PLCH1: variants seen among roughly 807,000 people sequenced by gnomAD.
PLCH1 encodes 1-phosphatidylinositol 4,5-bisphosphate phosphodiesterase eta-1.
PLCH1 carries 60 observed loss-of-function variants against 126.7 expected under a neutral mutation model. The ratio of observed to expected loss-of-function variants is 0.47; its 90% CI spans 0.38 to 0.59. PLCH1 has a LOEUF of 0.59. PLCH1 is among the 20% of genes least tolerant of loss of function. The pLI, the probability that PLCH1 is intolerant of heterozygous loss-of-function variation, is 0.00. For missense variants in PLCH1, 1,723 were observed against 2,040.0 expected (o/e 0.84, Z 2.99); for synonymous variants, 719 against 734.9 (o/e 0.98, Z 0.35).
intron 10 of PLCH1, among the ~76,000 whole-genome samples, chr3:155,531,663 T>C (rs187072437): frequency 1.3e-5 from 2 of 152,314 alleles, no homozygotes; most frequent in African/African-American, 4.8e-5. Flanking sequence ...TGTAGCCACC[T>C]TCATCAATTA....
At chr3:155,679,335 G>C (rs921782798) in intron 2 of PLCH1, among the ~76,000 whole-genome samples, 2 of 152,150 alleles carry the variant, frequency 1.3e-5, no homozygotes, top group Admixed American at 6.6e-5. Flanking sequence ...GAGGGCTGGT[G>C]CTCTCTAAAC....
intron 21 of PLCH1, among the ~76,000 whole-genome samples, chr3:155,469,356 C>T (rs1383527787): frequency 5.3e-5 from 8 of 152,210 alleles, no homozygotes; most frequent in South Asian, 4.1e-4. Context: ...CCGAATACTG[C>T]GCTTTTCGGA....
intron 1 of PLCH1, among the ~76,000 whole-genome samples, chr3:155,727,342 A>C (rs182979926): frequency 5.1e-4 from 77 of 152,162 alleles, no homozygotes; most frequent in Admixed American, 2.9e-3. Context: ...AAAAAGGAAA[A>C]AAAAATGGGT....
chr3:155,656,783 A>T (rs1226525408), intron 2 of PLCH1, among the ~76,000 whole-genome samples: 2 of 152,218 alleles, frequency 1.3e-5, no homozygotes, highest in African/African-American at 4.8e-5. Flanking sequence ...GTATTAGAAG[A>T]GGCATTAGAC....
chr3:155,514,119 C>T (rs961981135), intron 12 of PLCH1, among the ~76,000 whole-genome samples: 3 of 152,196 alleles, frequency 2.0e-5, no homozygotes, highest in African/African-American at 7.2e-5. Context: ...ATTAAATCCA[C>T]CCCATAGGCC....
At chr3:155,656,904 T>C (rs1487164805) in intron 2 of PLCH1, among the ~76,000 whole-genome samples, 1 of 151,766 alleles carries the variant, frequency 6.6e-6, no homozygotes, top group Non-Finnish European at 1.5e-5. Flanking sequence ...CCCAAGATAA[T>C]CAAAGATAAA....
chr3:155,541,178 T>G (rs1724179628), intron 10 of PLCH1, among the ~76,000 whole-genome samples: 1 of 152,104 alleles, frequency 6.6e-6, no homozygotes, highest in African/African-American at 2.4e-5. Flanking sequence ...AAGTGGGAGC[T>G]AAGCTATGAG....
chr3:155,583,440 A>G, intron 6 of PLCH1, 32 bp downstream of exon 6: 1 of 1,522,334 alleles, frequency 6.6e-7, no homozygotes, highest in South Asian at 1.2e-5. Context: ...AGTACTTTTA[A>G]GTAAACTTTC....
chr3:155,540,940 T>C (rs762889462), intron 10 of PLCH1, among the ~76,000 whole-genome samples: 12 of 152,186 alleles, frequency 7.9e-5, no homozygotes, highest in Non-Finnish European at 1.5e-4. Context: ...CTTGTACACA[T>C]ATTTTTAGCA....
At chr3:155,458,356 A>AGAAAGAAAG (rs1712520753) in intron 21 of PLCH1, among the ~76,000 whole-genome samples, 1 of 137,948 alleles carries the variant, frequency 7.2e-6, no homozygotes, top group Non-Finnish European at 1.5e-5. Flanking sequence ...AAAAAAAAAA[A>AGAAAGAAAG]AAGAAAGAAA....
At chr3:155,718,620 A>G (rs1157571678) in intron 1 of PLCH1, among the ~76,000 whole-genome samples, 2 of 152,302 alleles carry the variant, frequency 1.3e-5, no homozygotes, top group East Asian at 1.9e-4. Context: ...GGTGTCTCAC[A>G]TGGCAGAAAC....
chr3:155,487,978 T>C, intron 21 of PLCH1, 50 bp downstream of exon 21: 1 of 1,112,050 alleles, frequency 9.0e-7, no homozygotes, highest in South Asian at 1.3e-5. Context: ...AGTAGCATTG[T>C]TAAGGACCAT....
intron 8 of PLCH1, among the ~76,000 whole-genome samples, chr3:155,560,442 A>T (rs2108494047): frequency 6.6e-6 from 1 of 152,282 alleles, no homozygotes; most frequent in East Asian, 1.9e-4. Context: ...TGTTTAAGCT[A>T]CTCAATTGTT....
intron 21 of PLCH1, among the ~76,000 whole-genome samples, chr3:155,451,850 T>G (rs1712315431): frequency 1.3e-5 from 2 of 152,178 alleles, no homozygotes; most frequent in Non-Finnish European, 2.9e-5. Flanking sequence ...AGACCTTCAC[T>G]GTCAGACTGG....
At chr3:155,621,591 C>T (rs1043732954) in intron 2 of PLCH1, among the ~76,000 whole-genome samples, 2 of 152,128 alleles carry the variant, frequency 1.3e-5, no homozygotes, top group African/African-American at 4.8e-5. Context: ...CTGAAAAACA[C>T]AGCACAAGAA....
chr3:155,482,704 A>C lies in PLCH1; in HGVS notation c.3322T>G (p.Phe1108Val), dbSNP rs774940897. The C allele has an allele frequency of 6.2e-7, 1 of 1,614,184 alleles. No individual in the cohort carries two copies. The highest frequency in any genetic ancestry group is 1.7e-5 in the Admixed American group (1 of 60,012). The change falls in exon 23 of 23, where the codon TTT (phenylalanine) becomes GTT (valine). Residue 1108 changes from phenylalanine (F) to valine (V), a missense_variant. By Grantham distance (50) the Phe-to-Val change is conservative. This residue lies in a region of PLCH1 where 947 missense variants were observed against 977.1 expected (regional missense o/e 0.97). Coordinates refer to ENST00000460012, the MANE Select transcript of PLCH1 (RefSeq NM_014996.4). ...KIKEKGNPED[F>V]VEGKSILSGS... ...GACAAGATGCTTTTCCCTTCCACAA[A>C]GTCCTCAGGATTACCCTTTTCCTTG...
chr3:155,467,336 G>A lies in PLCH1; in HGVS notation c.2938+18020C>T, dbSNP rs375330236. Among the ~76,000 whole-genome samples, 8 of 151,940 alleles carry A rather than the reference G, an allele frequency of 5.3e-5. No individual in the cohort carries two copies. In the South Asian group the frequency reaches 6.2e-4, roughly 12 times the overall value. On this transcript the variant is annotated intron_variant, in intron 21 of 21. Coordinates refer to the PLCH1 transcript ENST00000494598. ...CGCCTGTAATCCCAGCACTTTGGAC[G>A]GCTAAGGTGGGTGGGTCACCTGGGC... is the stretch of plus-strand genomic sequence containing the variant.
At chr3:155,649,090 G>T (rs1430592829) in intron 2 of PLCH1, among the ~76,000 whole-genome samples, 4 of 152,160 alleles carry the variant, frequency 2.6e-5, no homozygotes, top group African/African-American at 4.8e-5. Context: ...TGGCTTGGGG[G>T]ACAGTCTGGA....
intron 9 of PLCH1, among the ~76,000 whole-genome samples, chr3:155,553,418 G>A (rs958864073): frequency 4.6e-5 from 7 of 152,134 alleles, no homozygotes; most frequent in African/African-American, 1.4e-4. Flanking sequence ...CACTGAGTAT[G>A]TTTCAACATG....
Sources: allele counts gnomAD v4.1 joint callset (sites outside exome capture counted in the v4.1 genomes callset), GRCh38; gene constraint gnomAD v4.1.1; regional missense constraint gnomAD v4.1.1; transcripts MANE v1.5; gene names NCBI Gene and HGNC (gene_info 2026-07-23, HGNC 2026-07-21).